The following C16orf90 variants were observed in gnomAD, a reference collection of about 807,000 sequenced individuals.
The protein encoded by C16orf90 is uncharacterized protein C16orf90.
In C16orf90, 17 loss-of-function variants were observed where a neutral mutation model predicts 17.1. That is an observed-to-expected ratio of 1.00 (90% CI 0.68 to 1.49). The LOEUF (loss-of-function observed/expected upper bound fraction) is 1.49. Among genes scored for constraint, C16orf90 ranks in the 40% most tolerant of loss-of-function variants. The pLI is 0.00. For missense variants in C16orf90, 255 were observed against 235.5 expected, an observed-to-expected ratio of 1.08 and a Z score of -0.54; for synonymous variants, 108 against 95.8, an observed-to-expected ratio of 1.13 and a Z score of -0.75.
At chr16:3,494,440 G>T in intron 2 of C16orf90, 84 bp downstream of exon 2, 2 of 1,134,482 alleles carry the variant, frequency 1.8e-6, no homozygotes, top group Non-Finnish European at 2.6e-6. Context: ...AGGCTTGGGA[G>T]TGGAGAAGGG....
intron 2 of C16orf90, 92 bp downstream of exon 2, chr16:3,494,432 G>C (rs1280506030): frequency 2.0e-6 from 2 of 1,021,074 alleles, no homozygotes; most frequent in Non-Finnish European, 1.5e-6. Context: ...CACTGTGGAG[G>C]CTTGGGAGTG....
At chr16:3,496,466 G>C, upstream of C16orf90, 1 of 857,534 alleles carries the variant, frequency 1.2e-6, no homozygotes, top group Non-Finnish European at 1.8e-6. Flanking sequence ...GACGCTTAAC[G>C]GATGACGCGA....
At chr16:3,495,198 C>T (rs1164423125) in intron 1 of C16orf90, among the ~76,000 whole-genome samples, 178 bp downstream of exon 1, 1 of 152,240 alleles carries the variant, frequency 6.6e-6, no homozygotes, top group Admixed American at 6.5e-5. Flanking sequence ...CTGGTCCCCA[C>T]AGAGAAATTG....
upstream of C16orf90, chr16:3,496,596 T>C (rs2037313874): frequency 1.9e-6 from 1 of 533,298 alleles, no homozygotes; most frequent in South Asian, 1.4e-5. Flanking sequence ...CTGGACTCCC[T>C]CAAGGACGGC....
chr16:3,494,777 G>A lies in C16orf90; in HGVS notation c.147C>T (p.Ala49=). 1.3e-6 allele frequency: 2 copies of A among 1,594,804 alleles called. No individual in the cohort carries two copies. The highest frequency in any genetic ancestry group is 1.1e-5 in the South Asian group (1 of 90,634). Residue 49 remains alanine (A), a synonymous_variant, in exon 2 of 3, where the codon GCC becomes GCT. Coordinates refer to ENST00000437192, the MANE Select transcript of C16orf90 (RefSeq NM_001080524.2). ...GGAAGTTCTTGGGCTTGCTTCCCTGGGCACTGGGGCACTGCGGCTGCGGGG... is the reference window on the plus strand; with the variant it reads ...GGAAGTTCTTGGGCTTGCTTCCCTGAGCACTGGGGCACTGCGGCTGCGGGG... The part of the protein sequence containing the change: ...LGSPQPQCPS[A]QGSKPKNFRL...
At chr16:3,495,841 C>T (rs1030603624), upstream of C16orf90, among the ~76,000 whole-genome samples, 1 of 152,144 alleles carries the variant, frequency 6.6e-6, no homozygotes, top group African/African-American at 2.4e-5. Flanking sequence ...GGCGGTGGCT[C>T]ATGCCTGTAA....
At chr16:3,495,571 G>A, upstream of C16orf90, 1 of 1,467,114 alleles carries the variant, frequency 6.8e-7, no homozygotes, top group Non-Finnish European at 9.1e-7. Context: ...TGGACCCCTA[G>A]TTTGGGAGAG....
Position 3,493,751 on chromosome 16 carries a change from G to A in C16orf90, c.*88C>T, listed in dbSNP as rs1413179791. ...TGCCTGGGCCACCCCATGTGGCAGG[G>A]CCACTGCCGGGGGCCGAGCCCCTCC... On this transcript the variant is annotated 3_prime_UTR_variant, in exon 3 of 3. Coordinates refer to ENST00000437192, the MANE Select transcript of C16orf90 (RefSeq NM_001080524.2). The A allele has an allele frequency of 2.9e-6, 4 of 1,362,878 alleles. No individual in the cohort carries two copies. Among genetic ancestry groups the A allele is most frequent in the Non-Finnish European group, 4.0e-6 (4 of 1,008,656 alleles). The allele number at this position is 1,362,878 out of a possible 1,614,324, so 84.4% of individuals were successfully genotyped here.
At chr16:3,496,212 C>T, upstream of C16orf90, 1 of 581,724 alleles carries the variant, frequency 1.7e-6, no homozygotes, top group Non-Finnish European at 3.3e-6. Flanking sequence ...TGGGAGCTGA[C>T]GTCCGCCACA....
chr16:3,495,583 A>T, upstream of C16orf90: 1 of 1,431,332 alleles, frequency 7.0e-7, no homozygotes, highest in Non-Finnish European at 9.3e-7. Context: ...TTGGGAGAGG[A>T]CAGTGCCCAA....
upstream of C16orf90, among the ~76,000 whole-genome samples, chr16:3,495,707 G>A (rs1346880946): frequency 1.3e-5 from 2 of 152,230 alleles, no homozygotes; most frequent in Admixed American, 6.5e-5. Context: ...GCAAACTGGA[G>A]AGTCCTTCTC....
Position 3,494,810 on chromosome 16 carries a change from G to A in C16orf90, c.114C>T (p.Gly38=). ...PDAPPNIYEG[G]LGSPQPQCPS... ...GGCACTGCGGCTGCGGGGACCCCAG[G>A]CCCCCCTCGTAGATGTTGGGGGGTG... The change falls in exon 2 of 3, where the codon GGC becomes GGT. Residue 38 remains glycine, a synonymous_variant. Transcript: ENST00000437192. 6 of 1,572,142 alleles carry A rather than the reference G, an allele frequency of 3.8e-6. No homozygotes were observed. The highest frequency in any genetic ancestry group is 5.2e-6 in the Non-Finnish European group (6 of 1,162,202).
intron 2 of C16orf90, 144 bp downstream of exon 2, chr16:3,494,380 G>A (rs2037274065): frequency 2.9e-6 from 2 of 695,774 alleles, no homozygotes; most frequent in South Asian, 3.5e-5. Context: ...TGCAGAGATG[G>A]GGACAGATTC....
Position 3,493,784 on chromosome 16 carries a change from G to T in C16orf90, c.*55C>A, listed in dbSNP as rs1271899248. The T allele has an allele frequency of 3.9e-6, 6 of 1,524,006 alleles. No individual in the cohort carries two copies. Among genetic ancestry groups the T allele is most frequent in the South Asian group, 1.2e-5 (1 of 83,214 alleles). 94.4% of individuals were successfully genotyped at this position (1,524,006 alleles called of 1,614,324 possible). A position where few individuals can be genotyped will look rare whatever the true frequency, so the allele number is the denominator to read the frequency against. On this transcript the variant is annotated 3_prime_UTR_variant, in exon 3 of 3. Transcript: ENST00000437192. ...CGGGGGCCGAGCCCCTCCTGCTCAGGCTGCCTCCTCGGCCATCCTGCCCCT... is the reference window on the plus strand; with the variant it reads ...CGGGGGCCGAGCCCCTCCTGCTCAGTCTGCCTCCTCGGCCATCCTGCCCCT...
rs1567414057 is a variant in C16orf90 at position 3,494,685 on chromosome 16, T to C, written c.239A>G (p.Glu80Gly). The change falls in exon 2 of 3, where the codon GAG becomes GGG. Residue 80 changes from glutamate to glycine, a missense_variant. By Grantham distance (98) the Glu-to-Gly change is moderately conservative. Coordinates refer to ENST00000437192, the MANE Select transcript of C16orf90 (RefSeq NM_001080524.2). Reference sequence around the variant, plus strand: ...CATAAGCCGGCCCAGCCAGTGGCTCTCACACTGGCCAGTGGGTGGCGGGTG... The same window carrying C: ...CATAAGCCGGCCCAGCCAGTGGCTCCCACACTGGCCAGTGGGTGGCGGGTG... ...ESHPPPTGQC[E>G]SHWLGRLMAG... 6.2e-7 allele frequency: 1 copy of C among 1,611,214 alleles called. No individual in the cohort carries two copies. The highest frequency in any genetic ancestry group is 1.1e-5 in the South Asian group (1 of 90,960).
intron 1 of C16orf90, 141 bp from the exon 2 acceptor site, chr16:3,495,018 A>T (rs2151032464): frequency 1.5e-6 from 1 of 680,232 alleles, no homozygotes; most frequent in East Asian, 2.7e-5. Flanking sequence ...CTGTGTGTCA[A>T]ATAGTCTCAG....
upstream of C16orf90, chr16:3,496,276 A>C (rs918375184): frequency 1.9e-5 from 15 of 770,984 alleles, no homozygotes; most frequent in Non-Finnish European, 3.2e-5. Flanking sequence ...TATCTAACTG[A>C]GGCTGTTTGT....
intron 1 of C16orf90, 93 bp from the exon 2 acceptor site, chr16:3,494,970 G>T: frequency 1.0e-6 from 1 of 978,990 alleles, no homozygotes; most frequent in Non-Finnish European, 1.5e-6. Context: ...CAGCTCACAT[G>T]ATGGGCTACA....
chr16:3,496,430 G>A (rs1034997174), upstream of C16orf90: 18 of 843,574 alleles, frequency 2.1e-5, no homozygotes, highest in Middle Eastern at 2.9e-4. Flanking sequence ...TCCTGGCTGG[G>A]AAAACAAAAC....
Sources: allele counts gnomAD v4.1 joint callset (sites outside exome capture counted in the v4.1 genomes callset), GRCh38; gene constraint gnomAD v4.1.1; transcripts MANE v1.5; gene names NCBI Gene and HGNC (gene_info 2026-07-23, HGNC 2026-07-21).